POP1: variants seen among roughly 807,000 people sequenced by gnomAD.
POP1 encodes ribonucleases P/MRP protein subunit POP1.
A neutral mutation model predicts 102.2 loss-of-function variants in POP1; 75 were observed. That is an observed-to-expected ratio of 0.73 (90% confidence interval 0.61 to 0.89). POP1 has a LOEUF of 0.89. Among genes scored for constraint, POP1 ranks in the 40% least tolerant of loss-of-function variants. POP1 has a pLI of 0.00. For missense variants in POP1, 1,116 were observed against 1,267.4 expected (o/e 0.88, Z 1.81); for synonymous variants, 436 against 464.1 (o/e 0.94, Z 0.78).
chr8:98,118,030 CA>C (rs1815894784), intron 1 of POP1, among the ~76,000 whole-genome samples: 1 of 96,834 alleles, frequency 1.0e-5, no homozygotes, highest in Non-Finnish European at 2.1e-5. Flanking sequence ...AGGAGGAATG[CA>C]ACAGTTAAAA....
chr8:98,130,737 G>A (rs1420869735), intron 5 of POP1, among the ~76,000 whole-genome samples: 2 of 152,174 alleles, frequency 1.3e-5, no homozygotes, highest in Non-Finnish European at 1.5e-5. Flanking sequence ...TAATCTAACA[G>A]TCGTTCATCA....
Position 98,117,366 on chromosome 8 carries a change from G to C in POP1, c.-27G>C. 2.0e-6 allele frequency: 1 copy of C among 489,188 alleles called. No individual in the cohort carries two copies. The highest frequency in any genetic ancestry group is 2.2e-5 in the South Asian group (1 of 45,676). The allele number at this position is 489,188 out of a possible 1,614,324, so 30.3% of individuals were successfully genotyped here. ...TCGCGGAGGCTTGTCATTCTGACCC[G>C]GGGATTCCTCACAGCGTCTGGCAGG... On this transcript the variant is annotated 5_prime_UTR_variant, in exon 1 of 16. Transcript: ENST00000401707.
chr8:98,122,588 A>T (rs888372903), intron 1 of POP1, among the ~76,000 whole-genome samples: 1 of 152,082 alleles, frequency 6.6e-6, no homozygotes, highest in African/African-American at 2.4e-5. Context: ...GCCTGTGTGG[A>T]TGTTATTATT....
At chr8:98,153,531 C>CCCTTTTTTTTTTTTTTTTT (rs1430760385) in intron 14 of POP1, among the ~76,000 whole-genome samples, 1 of 81,236 alleles carries the variant, frequency 1.2e-5, no homozygotes, top group African/African-American at 6.2e-5. Flanking sequence ...ACAGTTCTGA[C>CCCTTTTTTTTTTTTTTTTT]TCTTTTTTTT....
Position 98,158,563 on chromosome 8 carries a change from A to G in POP1, c.*292A>G, listed in dbSNP as rs1324923238. 3.0e-6 allele frequency: 1 copy of G among 337,856 alleles called. No homozygotes were observed. The highest frequency in any genetic ancestry group is 5.5e-6 in the Non-Finnish European group (1 of 183,022). The allele number at this position is 337,856 out of a possible 1,614,324, so 20.9% of individuals were successfully genotyped here. A position where few individuals can be genotyped will look rare whatever the true frequency, so the allele number is the denominator to read the frequency against. On this transcript the variant is annotated 3_prime_UTR_variant, in exon 16 of 16. Coordinates refer to ENST00000401707, the MANE Select transcript of POP1 (RefSeq NM_001145860.2). ...GCTGAAAATAATGAGAAGCTCTACGAGTTATCATCCCCTTTTTTTGTTAGA... is the reference window on the plus strand; with the variant it reads ...GCTGAAAATAATGAGAAGCTCTACGGGTTATCATCCCCTTTTTTTGTTAGA...
At chr8:98,126,652 G>A (rs1051966941) in intron 2 of POP1, among the ~76,000 whole-genome samples, 2 of 152,220 alleles carry the variant, frequency 1.3e-5, no homozygotes, top group Non-Finnish European at 2.9e-5. Flanking sequence ...GAAGGATGCT[G>A]ATGCCAGCCA....
intron 2 of POP1, among the ~76,000 whole-genome samples, chr8:98,123,887 A>C (rs1167001855): frequency 6.6e-6 from 1 of 152,212 alleles, no homozygotes; most frequent in African/African-American, 2.4e-5. Context: ...GCTGAATTAA[A>C]AACAGATACA....
intron 14 of POP1, among the ~76,000 whole-genome samples, chr8:98,151,740 C>CTTTTTTT (rs755019200): frequency 2.7e-5 from 3 of 112,930 alleles, no homozygotes; most frequent in African/African-American, 7.3e-5. Flanking sequence ...GCCTGGCTTG[C>CTTTTTTT]TTTTTTTTTT....
intron 11 of POP1, among the ~76,000 whole-genome samples, chr8:98,141,772 T>G (rs959785593): frequency 6.6e-6 from 1 of 151,310 alleles, no homozygotes. Context: ...TTCACCATGT[T>G]GGCCAGGCTG....
rs538958057 is a variant in POP1 at position 98,124,486 on chromosome 8, G to A, written c.142+1007G>A. Reference sequence around the variant, plus strand: ...CTGAGGCAGGAGAATTGCTTGAACCGGGAGGTGGAGGTTGCAGTGAGCCAA... The same window carrying A: ...CTGAGGCAGGAGAATTGCTTGAACCAGGAGGTGGAGGTTGCAGTGAGCCAA... On this transcript the variant is annotated intron_variant, in intron 2 of 15. Transcript: ENST00000401707. Among the ~76,000 whole-genome samples the A allele has an allele frequency of 2.8e-3, 422 of 152,062 alleles. 1 individual carries two copies. The highest frequency in any genetic ancestry group is 9.3e-3 in the African/African-American group (384 of 41,484).
intron 14 of POP1, among the ~76,000 whole-genome samples, chr8:98,153,450 A>C (rs1809568197): frequency 6.6e-6 from 1 of 150,970 alleles, no homozygotes; most frequent in Admixed American, 6.6e-5. Flanking sequence ...TGAATATAAG[A>C]CTGTGAGACT....
At chr8:98,149,195 A>G (rs538661352) in intron 13 of POP1, among the ~76,000 whole-genome samples, 189 bp downstream of exon 13, 1 of 152,354 alleles carries the variant, frequency 6.6e-6, no homozygotes, top group South Asian at 2.1e-4. Flanking sequence ...GGTTCTCATT[A>G]TAAGACCTGT....
chr8:98,144,805 A>C (rs1816800652), intron 11 of POP1, among the ~76,000 whole-genome samples: 1 of 152,194 alleles, frequency 6.6e-6, no homozygotes, highest in Admixed American at 6.5e-5. Context: ...AGCACACAGC[A>C]CTGTGGCTTG....
rs753213526 is a variant in POP1, at chr8:98,123,390, C to T, written c.53C>T (p.Thr18Ile). ...KHAKKMRNQP[T>I]NVTLSSGFVA... is the part of the protein sequence containing the mutation. ...GCCAAGAAAATGAGAAACCAGCCTA[C>T]CAATGTGACTCTGTCCTCTGGCTTT... The change falls in exon 2 of 16, where the codon ACC (threonine) becomes ATC (isoleucine). Residue 18 changes from threonine to isoleucine, a missense_variant. Transcript: ENST00000401707. 9.9e-6 allele frequency: 16 copies of T among 1,613,960 alleles called. No individual in the cohort carries two copies. In the Admixed American group the frequency reaches 1.3e-4, roughly 13 times the overall value.
At position 98,157,752 on chromosome 8, in the gene POP1, C is replaced by A; in HGVS notation, c.2556C>A (p.Phe852Leu). 4 of 1,614,216 alleles carry A rather than the reference C, an allele frequency of 2.5e-6. No individual in the cohort carries two copies. The highest frequency in any genetic ancestry group is 3.4e-6 in the Non-Finnish European group (4 of 1,180,038). The stretch of plus-strand genomic sequence containing the variant: ...CTTGCCTGTCCATCTTGGGCCACTT[C>A]CCCAGGGCCCTGGTTTGGGTCAGCC... Reference protein sequence around the residue: ...REACLSILGHFPRALVWVSLS... With the variant: ...REACLSILGHLPRALVWVSLS... Residue 852 changes from phenylalanine (F) to leucine (L), a missense_variant, in exon 16 of 16, where the codon TTC becomes TTA. Physicochemically the swap from Phe to Leu is conservative, Grantham distance 22 (BLOSUM62 0). Coordinates refer to ENST00000401707, the MANE Select transcript of POP1 (RefSeq NM_001145860.2).
rs1340889340 is a variant in POP1, at chr8:98,150,651, G to A, written c.2057+12G>A. Reference sequence around the variant, plus strand: ...GAAAAGTACAAAAGGTAAGAAACTGGCTTCTCTAATTTGATAATGTATTAA... The same window carrying A: ...GAAAAGTACAAAAGGTAAGAAACTGACTTCTCTAATTTGATAATGTATTAA... On this transcript the variant is annotated intron_variant, in intron 14 of 15. Transcript: ENST00000401707. 2 of 1,613,330 alleles carry A rather than the reference G, an allele frequency of 1.2e-6. No homozygotes were observed. The highest frequency in any genetic ancestry group is 1.7e-6 in the Non-Finnish European group (2 of 1,179,520).
At chr8:98,126,874 C>T (rs76344584) in intron 2 of POP1, among the ~76,000 whole-genome samples, 10,283 of 152,094 alleles carry the variant, frequency 0.068, 843 homozygotes, top group African/African-American at 0.19. Flanking sequence ...TATATATATA[C>T]GAATATTCCA....
rs1244673568 is a variant in POP1 at position 98,146,638 on chromosome 8, C to T, written c.1665C>T (p.Asn555=). The part of the protein sequence containing the change: ...PVECTHSFIW[N]QDICKSVTEN... ...AATGTACGCATAGCTTTATCTGGAA[C>T]CAAGATATCTGTAAGAGTGTCACAG... The change falls in exon 12 of 16, where the codon AAC becomes AAT. Residue 555 remains asparagine (N), a synonymous_variant. Transcript: ENST00000401707. The T allele has an allele frequency of 6.2e-7, 1 of 1,613,814 alleles. No individual in the cohort carries two copies. Among genetic ancestry groups the T allele is most frequent in the Non-Finnish European group, 8.5e-7 (1 of 1,179,780 alleles).
At chr8:98,149,092 T>C in intron 13 of POP1, 86 bp downstream of exon 13, 2 of 1,310,776 alleles carry the variant, frequency 1.5e-6, no homozygotes, top group South Asian at 1.3e-5. Flanking sequence ...CCAGACTTTA[T>C]GTACAACTTA....
Sources: gnomAD v4.1 joint callset for allele counts (sites outside exome capture counted in the v4.1 genomes callset) on GRCh38, gnomAD v4.1.1 for gene constraint, MANE v1.5 for transcripts, NCBI Gene and HGNC (gene_info 2026-07-23, HGNC 2026-07-21) for gene names.